The following GNPTAB variants were observed in gnomAD, a reference collection of about 807,000 sequenced individuals.
GNPTAB encodes N-acetylglucosamine-1-phosphotransferase subunits alpha/beta.
A neutral mutation model predicts 136.6 loss-of-function variants in GNPTAB; 92 were observed. The ratio of observed to expected loss-of-function variants is 0.67; its 90% CI spans 0.57 to 0.80. GNPTAB has a LOEUF of 0.80. Ranked by LOEUF, GNPTAB falls within the 30% of genes least tolerant of loss-of-function variation. The pLI, the probability that GNPTAB is intolerant of heterozygous loss-of-function variation, is 0.00. For synonymous variants in GNPTAB, 512 were observed against 535.1 expected (o/e 0.96, Z 0.60); for missense variants, 1,343 against 1,501.8 (o/e 0.89, Z 1.75).
chr12:101,767,786 C>T (rs1953116805), intron 11 of GNPTAB: 1 of 610,184 alleles, frequency 1.6e-6, no homozygotes, highest in Non-Finnish European at 2.9e-6. Context: ...CCACACTTGG[C>T]TAATTTTTTT....
intron 10 of GNPTAB, among the ~76,000 whole-genome samples, chr12:101,769,467 A>G (rs1420709693): frequency 6.6e-6 from 1 of 152,184 alleles, no homozygotes; most frequent in Non-Finnish European, 1.5e-5. Context: ...GATGGTTGGG[A>G]AAAAGTGTGG....
In GNPTAB at chr12:101,756,151, C is replaced by T. The variant is rs368659786; in HGVS notation, c.3434+1061G>A. On this transcript the variant is annotated intron_variant, in intron 18 of 20. Transcript: ENST00000299314. ...AATTATTATTGTAGCTTATGGTTTG[C>T]TTGGCTTGTGGGAAACATTTTGTAA... is the stretch of plus-strand genomic sequence containing the variant. 1.5e-4 allele frequency: 23 copies of T among 155,086 alleles called. No individual in the cohort carries two copies. In the South Asian group the frequency reaches 3.7e-3, roughly 25 times the overall value. 9.6% of individuals were successfully genotyped at this position (155,086 alleles called of 1,614,324 possible).
At chr12:101,761,384 A>G (rs2137112412) in intron 14 of GNPTAB, 38 bp from the exon 15 acceptor site, 1 of 1,580,782 alleles carries the variant, frequency 6.3e-7, no homozygotes, top group Non-Finnish European at 8.7e-7. Context: ...CTGGATATTC[A>G]AAGTATGTAC....
At chr12:101,748,982 A>G (rs1225329460) in intron 20 of GNPTAB, 119 bp downstream of exon 20, 4 of 702,248 alleles carry the variant, frequency 5.7e-6, no homozygotes, top group Non-Finnish European at 1.0e-5. Flanking sequence ...CATATGAGCT[A>G]TAAGACAATA....
intron 1 of GNPTAB, among the ~76,000 whole-genome samples, chr12:101,797,595 G>A (rs1177695453): frequency 6.6e-6 from 1 of 152,208 alleles, no homozygotes; most frequent in African/African-American, 2.4e-5. Flanking sequence ...CTGCACTCCA[G>A]CCTGGGCAAC....
At chr12:101,807,514 G>GA (rs35018199) in intron 1 of GNPTAB, among the ~76,000 whole-genome samples, 23,170 of 148,154 alleles carry the variant, frequency 0.16, 2,131 homozygotes, top group East Asian at 0.48. Flanking sequence ...TTGAATAGAA[G>GA]AAAAAAAAAA....
Position 101,789,981 on chromosome 12 carries a change from G to A in GNPTAB, c.280C>T (p.Gln94Ter), listed in dbSNP as rs1391863896. The A allele has an allele frequency of 1.2e-6, 2 of 1,614,116 alleles. No homozygotes were observed. The change falls in exon 3 of 21, where the codon CAG becomes TAG. Residue 94 changes from glutamine to a stop codon, truncating the protein, a stop_gained. Transcript: ENST00000299314. LOFTEE classifies it high-confidence loss of function. Reference protein sequence around the residue: ...GTDLELLKELQQVREQMEEEQ... With the variant: ...GTDLELLKEL ...TCCTCCATCTGTTCTCTGACCTGCT[G>A]TAGTTCCTTCAGTAGTTCAAGATCT...
chr12:101,810,910 C>T (rs760932872), intron 1 of GNPTAB, among the ~76,000 whole-genome samples: 1 of 152,084 alleles, frequency 6.6e-6, no homozygotes, highest in Non-Finnish European at 1.5e-5. Context: ...ATGGAACAGC[C>T]AGTACAAAGC....
Position 101,798,540 on chromosome 12 carries a change from T to C in GNPTAB, c.118-1778A>G, listed in dbSNP as rs914048364. Among the ~76,000 whole-genome samples, 15 of 152,308 alleles carry C rather than the reference T, an allele frequency of 9.8e-5. No homozygotes were observed. In the East Asian group the frequency reaches 2.9e-3, roughly 29 times the overall value. On this transcript the variant is annotated intron_variant, in intron 1 of 20. Transcript: ENST00000299314. ...CCAGAACTTACACAAATCTATTATA[T>C]TATAAAAAGTTAAAATGTATCAAAA... is the stretch of plus-strand genomic sequence containing the variant.
At chr12:101,755,172 A>G (rs1445968982) in intron 18 of GNPTAB, among the ~76,000 whole-genome samples, 1 of 152,244 alleles carries the variant, frequency 6.6e-6, no homozygotes, top group African/African-American at 2.4e-5. Context: ...ACAATGTTTG[A>G]GATTCACTTA....
chr12:101,769,893 A>C, intron 10 of GNPTAB, 128 bp downstream of exon 10: 1 of 970,940 alleles, frequency 1.0e-6, no homozygotes, highest in Non-Finnish European at 1.6e-6. Flanking sequence ...CGCCTCCCAA[A>C]GTACTGGGAT....
At position 101,746,768 on chromosome 12, in the gene GNPTAB, A is replaced by G. The variant is rs1952741207; in HGVS notation, c.*396T>C. 6.0e-6 allele frequency: 1 copy of G among 165,828 alleles called. No homozygotes were observed. The highest frequency in any genetic ancestry group is 1.3e-5 in the Non-Finnish European group (1 of 76,606). 10.3% of individuals were successfully genotyped at this position (165,828 alleles called of 1,614,324 possible). ...TGAAAAAAAAAAAGTGCAAAACTTT[A>G]GCAAAAGGCTTTGGAATGCAAAGAC... On this transcript the variant is annotated 3_prime_UTR_variant, in exon 21 of 21. Coordinates refer to ENST00000299314, the MANE Select transcript of GNPTAB (RefSeq NM_024312.5).
At chr12:101,761,990 C>T (rs779209932) in intron 13 of GNPTAB, among the ~76,000 whole-genome samples, 20 of 152,076 alleles carry the variant, frequency 1.3e-4, no homozygotes, top group African/African-American at 3.9e-4. Context: ...AACAGCTGTA[C>T]GATGGAGATC....
rs1446393573 is a variant in GNPTAB at position 101,745,812 on chromosome 12, T to C, written c.*1352A>G. On this transcript the variant is annotated 3_prime_UTR_variant, in exon 21 of 21. Transcript: ENST00000299314. ...ACTTTGGGAGGCAGAGGCAGGTGGA[T>C]CACCTGAGGTCAGGAGTTCAAGATA... 1 of 152,244 alleles carries C rather than the reference T, an allele frequency of 6.6e-6. No individual in the cohort carries two copies. The highest frequency in any genetic ancestry group is 6.5e-5 in the Admixed American group (1 of 15,270). 9.4% of individuals were successfully genotyped at this position (152,244 alleles called of 1,614,324 possible).
intron 19 of GNPTAB, among the ~76,000 whole-genome samples, chr12:101,749,957 G>T (rs927263822): frequency 6.6e-6 from 1 of 152,208 alleles, no homozygotes; most frequent in Non-Finnish European, 1.5e-5. Flanking sequence ...GGGTATGTGT[G>T]ACATAATCAG....
Position 101,789,979 on chromosome 12 carries a change from C to T in GNPTAB, c.282G>A (p.Gln94=). 1.2e-6 allele frequency: 2 copies of T among 1,614,180 alleles called. No homozygotes were observed. Among genetic ancestry groups the T allele is most frequent in the Non-Finnish European group, 1.7e-6 (2 of 1,180,048 alleles). Residue 94 remains glutamine (Q), a synonymous_variant, in exon 3 of 21, where the codon CAG becomes CAA. Coordinates refer to ENST00000299314, the MANE Select transcript of GNPTAB (RefSeq NM_024312.5). ...CCTCCTCCATCTGTTCTCTGACCTG[C>T]TGTAGTTCCTTCAGTAGTTCAAGAT... ...GTDLELLKEL[Q]QVREQMEEEQ...
intron 11 of GNPTAB, among the ~76,000 whole-genome samples, chr12:101,767,325 A>G (rs4764814): frequency 0.46 from 69,484 of 152,038 alleles, 16,367 homozygotes; most frequent in African/African-American, 0.57. Context: ...AAGTCAAAAT[A>G]TAACTATGTG....
chr12:101,803,103 C>T (rs150786604), intron 1 of GNPTAB, among the ~76,000 whole-genome samples: 37 of 152,140 alleles, frequency 2.4e-4, no homozygotes, highest in African/African-American at 8.4e-4. Flanking sequence ...AAAGTGATAC[C>T]CCAAAGACTG....
At chr12:101,783,155 G>A (rs143392216) in intron 5 of GNPTAB, among the ~76,000 whole-genome samples, 214 of 152,058 alleles carry the variant, frequency 1.4e-3, no homozygotes, top group African/African-American at 4.8e-3. Flanking sequence ...TAAGGGTAGA[G>A]ATTTTTGCCC....
Sources: gnomAD v4.1 joint callset for allele counts (sites outside exome capture counted in the v4.1 genomes callset) on GRCh38, gnomAD v4.1.1 for gene constraint, MANE v1.5 for transcripts, NCBI Gene and HGNC (gene_info 2026-07-23, HGNC 2026-07-21) for gene names.